SLC4A4: variants seen among roughly 807,000 people sequenced by gnomAD.
SLC4A4 encodes the protein solute carrier family 4 member 4.
In SLC4A4, 27 loss-of-function variants were observed where a neutral mutation model predicts 111.5. The ratio of observed to expected loss-of-function variants is 0.24; its 90% confidence interval spans 0.18 to 0.33. SLC4A4 has a LOEUF of 0.33. Ranked by LOEUF, SLC4A4 falls within the 10% of genes least tolerant of loss-of-function variation. The pLI, the probability that SLC4A4 is intolerant of heterozygous loss-of-function variation, is 1.00. For synonymous variants in SLC4A4, 443 were observed against 463.4 expected (o/e 0.96, Z 0.57); for missense variants, 909 against 1,315.5 (o/e 0.69, Z 4.78).
chr4:71,473,883 C>A (rs1233804374), intron 14 of SLC4A4, among the ~76,000 whole-genome samples: 1 of 151,690 alleles, frequency 6.6e-6, no homozygotes, highest in Non-Finnish European at 1.5e-5. Context: ...TGTCTCATGC[C>A]TGTAATTTTG....
At chr4:71,566,633 CA>C (rs796699934) in intron 24 of SLC4A4, among the ~76,000 whole-genome samples, 1,543 of 145,092 alleles carry the variant, frequency 0.011, 19 homozygotes, top group African/African-American at 0.034. Flanking sequence ...GTAAGTGCCT[CA>C]AAAAAAAAAA....
intron 16 of SLC4A4, among the ~76,000 whole-genome samples, chr4:71,527,696 T>TAAA (rs201680509): frequency 6.8e-6 from 1 of 146,366 alleles, no homozygotes; most frequent in Admixed American, 6.8e-5. Flanking sequence ...TCCTCTTTAT[T>TAAA]AAAAAAAAAA....
intron 3 of SLC4A4, among the ~76,000 whole-genome samples, chr4:71,263,952 A>G (rs962867182): frequency 6.6e-6 from 1 of 152,192 alleles, no homozygotes; most frequent in African/African-American, 2.4e-5. Flanking sequence ...GCTTATGATT[A>G]TTTATTTAGG....
At chr4:71,303,212 G>A (rs554638138) in intron 3 of SLC4A4, among the ~76,000 whole-genome samples, 9 of 152,308 alleles carry the variant, frequency 5.9e-5, no homozygotes, top group African/African-American at 2.2e-4. Context: ...GGGAGGGAGA[G>A]AAATGGTAAG....
chr4:71,134,633 C>T lies in SLC4A4; in HGVS notation c.-2+41841C>T, dbSNP rs570394418. On this transcript the variant is annotated intron_variant, in intron 2 of 26. Transcript: ENST00000649996. ...CACTGAATACTAGAGTGTATTGCTC[C>T]GAATAGAAGCCCCAGAGGCCAGGGA... Among the ~76,000 whole-genome samples the T allele has an allele frequency of 7.2e-5, 11 of 152,284 alleles. No homozygotes were observed. The East Asian group carries it at 1.2e-3, about 16-fold the overall frequency.
intron 4 of SLC4A4, among the ~76,000 whole-genome samples, chr4:71,343,241 G>A: frequency 6.6e-6 from 1 of 152,230 alleles, no homozygotes; most frequent in South Asian, 2.1e-4. Flanking sequence ...CCAAATCAGG[G>A]TTCTGTATAA....
chr4:71,399,732 G>A (rs111826761), intron 7 of SLC4A4, among the ~76,000 whole-genome samples: 1,910 of 151,770 alleles, frequency 0.013, 44 homozygotes, highest in African/African-American at 0.044. Flanking sequence ...GATGTTATCC[G>A]TCTTGTCTTC....
intron 2 of SLC4A4, among the ~76,000 whole-genome samples, chr4:71,250,188 T>C (rs1720964915): frequency 6.6e-6 from 1 of 152,188 alleles, no homozygotes; most frequent in Non-Finnish European, 1.5e-5. Flanking sequence ...ACATTCCTCT[T>C]GGCAATAGCT....
rs1737947517 is a variant in SLC4A4 at position 71,571,770 on chromosome 4, C to T, written c.*4019C>T. On this transcript the variant is annotated 3_prime_UTR_variant, in exon 26 of 26. Transcript: ENST00000264485. ...CGCATTACTTTTCAGAATCAATACGCACTTTCAGATATTCTTATTTTTATT... is the reference window on the plus strand; with the variant it reads ...CGCATTACTTTTCAGAATCAATACGTACTTTCAGATATTCTTATTTTTATT... 2 of 152,178 alleles carry T rather than the reference C, an allele frequency of 1.3e-5. No individual in the cohort carries two copies. Among genetic ancestry groups the T allele is most frequent in the Admixed American group, 6.6e-5 (1 of 15,162 alleles). 9.4% of individuals were successfully genotyped at this position (152,178 alleles called of 1,614,324 possible).
intron 1 of SLC4A4, among the ~76,000 whole-genome samples, chr4:71,065,989 C>A (rs1741508215): frequency 6.6e-6 from 1 of 151,810 alleles, no homozygotes; most frequent in African/African-American, 2.4e-5. Context: ...TACTCTAATA[C>A]AGTACAATAA....
intron 16 of SLC4A4, among the ~76,000 whole-genome samples, chr4:71,505,327 AG>A (rs1731313622): frequency 6.6e-6 from 1 of 152,070 alleles, no homozygotes; most frequent in Non-Finnish European, 1.5e-5. Flanking sequence ...ATATACCCAA[AG>A]GCTTTTTCTC....
intron 18 of SLC4A4, among the ~76,000 whole-genome samples, chr4:71,539,808 C>T (rs1734881623): frequency 6.6e-6 from 1 of 152,112 alleles, no homozygotes; most frequent in South Asian, 2.1e-4. Flanking sequence ...TCTCGTTTGG[C>T]CCACCAGTTT....
At chr4:71,436,380 G>A (rs894482926) in intron 7 of SLC4A4, among the ~76,000 whole-genome samples, 3 of 152,078 alleles carry the variant, frequency 2.0e-5, no homozygotes, top group African/African-American at 7.2e-5. Flanking sequence ...GACACAGGGA[G>A]GGGAACATCA....
chr4:71,211,272 A>G (rs1298569617), intron 1 of SLC4A4, among the ~76,000 whole-genome samples: 1 of 152,210 alleles, frequency 6.6e-6, no homozygotes, highest in Non-Finnish European at 1.5e-5. Context: ...TTTGCTTTTA[A>G]CAATATAAAG....
At chr4:71,311,930 AGAG>A (rs1220661230) in intron 3 of SLC4A4, among the ~76,000 whole-genome samples, 2 of 150,624 alleles carry the variant, frequency 1.3e-5, no homozygotes, top group African/African-American at 4.9e-5. Context: ...AGAGAGAGAG[AGAG>A]AAGGAGATAG....
At chr4:71,394,010 A>T (rs1299390411) in intron 6 of SLC4A4, among the ~76,000 whole-genome samples, 1 of 152,154 alleles carries the variant, frequency 6.6e-6, no homozygotes, top group Non-Finnish European at 1.5e-5. Flanking sequence ...ACAAAAATCA[A>T]CTCAAGATGG....
chr4:71,255,498 G>A (rs979512585), intron 3 of SLC4A4, 99 bp downstream of exon 3: 11 of 1,151,324 alleles, frequency 9.6e-6, no homozygotes, highest in Non-Finnish European at 1.2e-5. Context: ...GAGGGACACT[G>A]TAATACTGAG....
At chr4:71,374,255 G>T (rs1732140671) in intron 6 of SLC4A4, among the ~76,000 whole-genome samples, 1 of 151,926 alleles carries the variant, frequency 6.6e-6, no homozygotes, top group Admixed American at 6.6e-5. Flanking sequence ...ACTTGTTTTT[G>T]AATGGAAATA....
chr4:71,311,934 A>AGAGAGAG (rs56836673), intron 3 of SLC4A4, among the ~76,000 whole-genome samples: 1 of 131,904 alleles, frequency 7.6e-6, no homozygotes. Flanking sequence ...AGAGAGAGAG[A>AGAGAGAG]AGGAGATAGA....
Sources: allele counts gnomAD v4.1 joint callset (sites outside exome capture counted in the v4.1 genomes callset), GRCh38; gene constraint gnomAD v4.1.1; transcripts MANE v1.5; gene names NCBI Gene and HGNC (gene_info 2026-07-23, HGNC 2026-07-21).